AFF3: variants seen among roughly 807,000 people sequenced by gnomAD.
AFF3 encodes AF4/FMR2 family member 3.
In AFF3, 32 loss-of-function variants were observed where a neutral mutation model predicts 129.7. The ratio of observed to expected loss-of-function variants is 0.25; its 90% CI spans 0.19 to 0.33. AFF3 has a LOEUF of 0.33. Ranked by LOEUF, AFF3 falls within the 10% of genes least tolerant of loss-of-function variation. The pLI is 1.00. For synonymous variants in AFF3, 644 were observed against 635.4 expected, an observed-to-expected ratio of 1.01 and a Z score of -0.20; for missense variants, 1,373 against 1,592.0, an observed-to-expected ratio of 0.86 and a Z score of 2.34.
chr2:99,869,010 C>T (rs567211203), intron 7 of AFF3, among the ~76,000 whole-genome samples: 2 of 148,308 alleles, frequency 1.3e-5, no homozygotes, highest in Non-Finnish European at 3.0e-5. Context: ...TGGCTGGTCT[C>T]GAACTCCTGG....
intron 8 of AFF3, among the ~76,000 whole-genome samples, chr2:99,773,548 G>A (rs933783978): frequency 1.3e-5 from 2 of 151,774 alleles, no homozygotes; most frequent in African/African-American, 2.4e-5. Flanking sequence ...TGGGGGTGGA[G>A]GTTGGTGTGA....
At chr2:99,816,037 G>A (rs1002969701) in intron 8 of AFF3, among the ~76,000 whole-genome samples, 24 of 146,590 alleles carry the variant, frequency 1.6e-4, no homozygotes, top group East Asian at 6.1e-4. Flanking sequence ...TGGATGATCT[G>A]TTCTTTTTTT....
chr2:99,808,922 A>G (rs1462311697), intron 8 of AFF3, among the ~76,000 whole-genome samples: 1 of 152,220 alleles, frequency 6.6e-6, no homozygotes, highest in Admixed American at 6.5e-5. Context: ...AATTTACTTA[A>G]TGACTACTCA....
chr2:99,875,815 C>T (rs940915135), intron 7 of AFF3, among the ~76,000 whole-genome samples: 13 of 152,176 alleles, frequency 8.5e-5, no homozygotes, highest in African/African-American at 3.1e-4. Context: ...CCCAGGCATG[C>T]ACTTTGACAT....
chr2:100,075,178 T>C (rs1273109268), intron 4 of AFF3, among the ~76,000 whole-genome samples: 3 of 152,036 alleles, frequency 2.0e-5, no homozygotes, highest in African/African-American at 7.2e-5. Context: ...ACGGGGACCA[T>C]GGGCAAACAG....
intron 9 of AFF3, among the ~76,000 whole-genome samples, chr2:99,750,640 C>T (rs1681566485): frequency 6.6e-6 from 1 of 152,046 alleles, no homozygotes; most frequent in Non-Finnish European, 1.5e-5. Context: ...TGGTCTTGAA[C>T]TCCAGACCTC....
chr2:100,023,674 C>A (rs1683784688), intron 4 of AFF3, among the ~76,000 whole-genome samples: 1 of 152,086 alleles, frequency 6.6e-6, no homozygotes. Context: ...CAAGCAGAGA[C>A]AAGTCAGGAC....
At chr2:99,866,752 G>T (rs951055023) in intron 7 of AFF3, among the ~76,000 whole-genome samples, 1 of 151,894 alleles carries the variant, frequency 6.6e-6, no homozygotes, top group Non-Finnish European at 1.5e-5. Context: ...CGAGGCAGGC[G>T]GATCACCTGA....
intron 12 of AFF3, among the ~76,000 whole-genome samples, chr2:99,653,522 GA>G (rs984950394): frequency 6.6e-5 from 10 of 152,224 alleles, no homozygotes; most frequent in Non-Finnish European, 1.5e-5. Flanking sequence ...TTTAAAAAGC[GA>G]AAGGAAAACA....
chr2:100,095,571 T>C (rs1347864813), intron 4 of AFF3, among the ~76,000 whole-genome samples: 4 of 152,226 alleles, frequency 2.6e-5, no homozygotes, highest in Non-Finnish European at 5.9e-5. Context: ...TCACCTTTCT[T>C]TTCCAAATCT....
chr2:99,988,938 G>C (rs1231805624), intron 7 of AFF3, among the ~76,000 whole-genome samples: 15 of 152,208 alleles, frequency 9.9e-5, no homozygotes, highest in Admixed American at 9.8e-4. Flanking sequence ...TTAATGGCAA[G>C]AAGCCAGGTG....
At chr2:100,110,665 C>T (rs980668411) in intron 2 of AFF3, among the ~76,000 whole-genome samples, 9 of 152,212 alleles carry the variant, frequency 5.9e-5, no homozygotes, top group Non-Finnish European at 1.2e-4. Flanking sequence ...GCTCAGAGTC[C>T]TGCTGGGGGT....
At chr2:99,990,657 T>C (rs1165438989) in intron 7 of AFF3, among the ~76,000 whole-genome samples, 1 of 152,080 alleles carries the variant, frequency 6.6e-6, no homozygotes, top group African/African-American at 2.4e-5. Context: ...TCAGGGTTTA[T>C]GAAAGAGAAA....
intron 11 of AFF3, among the ~76,000 whole-genome samples, chr2:99,724,438 A>G (rs1679191234): frequency 6.6e-6 from 1 of 151,630 alleles, no homozygotes; most frequent in African/African-American, 2.4e-5. Context: ...ACACTCAGCT[A>G]ATTTTTGTGT....
chr2:99,973,843 G>A (rs941104109), intron 7 of AFF3, among the ~76,000 whole-genome samples: 2 of 152,124 alleles, frequency 1.3e-5, no homozygotes, highest in African/African-American at 4.8e-5. Flanking sequence ...CTGGGGCAGG[G>A]GTGCCCGGGG....
In AFF3 at chr2:99,551,290, G is replaced by A. The variant is rs560105904; in HGVS notation, c.*184C>T. On this transcript the variant is annotated 3_prime_UTR_variant, in exon 25 of 25. Coordinates refer to ENST00000672756, the MANE Select transcript of AFF3 (RefSeq NM_001386135.1). ...GCTGTGTATCTTACACACATACACA[G>A]GCGGCTTCTTATATACCCACACATA... 1 of 749,084 alleles carries A rather than the reference G, an allele frequency of 1.3e-6. No homozygotes were observed. Among genetic ancestry groups the A allele is most frequent in the Non-Finnish European group, 2.1e-6 (1 of 472,468 alleles). 46.4% of individuals were successfully genotyped at this position (749,084 alleles called of 1,614,324 possible).
intron 8 of AFF3, among the ~76,000 whole-genome samples, chr2:99,764,162 T>C (rs968067674): frequency 2.0e-5 from 3 of 152,196 alleles, no homozygotes; most frequent in Non-Finnish European, 2.9e-5. Flanking sequence ...TTCTCACTTA[T>C]CTAAAAGCAG....
chr2:99,665,186 G>A (rs961702319), intron 12 of AFF3, among the ~76,000 whole-genome samples: 5 of 152,212 alleles, frequency 3.3e-5, no homozygotes, highest in African/African-American at 4.8e-5. Flanking sequence ...ATTTGATCCC[G>A]GGTGGGATGG....
At chr2:99,718,265 A>T (rs1678562813) in intron 11 of AFF3, among the ~76,000 whole-genome samples, 2 of 152,220 alleles carry the variant, frequency 1.3e-5, no homozygotes, top group Non-Finnish European at 1.5e-5. Context: ...AAAAATCGAG[A>T]TGTCAACACT....
Sources: gnomAD v4.1 joint callset for allele counts (sites outside exome capture counted in the v4.1 genomes callset) on GRCh38, gnomAD v4.1.1 for gene constraint, MANE v1.5 for transcripts, NCBI Gene and HGNC (gene_info 2026-07-23, HGNC 2026-07-21) for gene names.